The following ZNF804B variants were observed in gnomAD, a reference collection of about 807,000 sequenced individuals.
The protein encoded by ZNF804B is zinc finger protein 804B, also known as zinc finger 804B.
A neutral mutation model predicts 101.4 loss-of-function variants in ZNF804B; 80 were observed. The ratio of observed to expected loss-of-function variants is 0.79; its 90% confidence interval spans 0.66 to 0.95. The LOEUF (loss-of-function observed/expected upper bound fraction) is 0.95. ZNF804B is among the 40% of genes least tolerant of loss of function. The pLI, the probability that ZNF804B is intolerant of heterozygous loss-of-function variation, is 0.00. For missense variants in ZNF804B, 1,673 were observed against 1,561.9 expected (o/e 1.07, Z -1.20); for synonymous variants, 622 against 558.8 (o/e 1.11, Z -1.59).
chr7:89,242,901 C>T (rs911520742), intron 2 of ZNF804B, among the ~76,000 whole-genome samples: 2 of 151,700 alleles, frequency 1.3e-5, no homozygotes, highest in Non-Finnish European at 3.0e-5. Context: ...TATAGTATAG[C>T]AGTGCTGTAG....
chr7:89,244,888 C>G (rs1405081499), intron 2 of ZNF804B, among the ~76,000 whole-genome samples: 1 of 152,126 alleles, frequency 6.6e-6, no homozygotes, highest in African/African-American at 2.4e-5. Context: ...AATTCACAAT[C>G]TTTATGATGT....
intron 1 of ZNF804B, among the ~76,000 whole-genome samples, chr7:88,904,536 T>C (rs1267693481): frequency 1.3e-5 from 2 of 152,186 alleles, no homozygotes; most frequent in African/African-American, 4.8e-5. Flanking sequence ...GTAAATTGCT[T>C]TGGGTAGTAT....
intron 1 of ZNF804B, among the ~76,000 whole-genome samples, chr7:89,050,860 A>G (rs1789192438): frequency 6.6e-6 from 1 of 152,124 alleles, no homozygotes; most frequent in Non-Finnish European, 1.5e-5. Flanking sequence ...CTTTTTATAT[A>G]CATATATTAT....
intron 1 of ZNF804B, among the ~76,000 whole-genome samples, chr7:89,011,048 A>G (rs1240529783): frequency 1.3e-5 from 2 of 152,234 alleles, no homozygotes; most frequent in Non-Finnish European, 2.9e-5. Flanking sequence ...CAATTGACTC[A>G]GAGTTCTCCA....
intron 2 of ZNF804B, among the ~76,000 whole-genome samples, chr7:89,301,763 C>T (rs1157447508): frequency 6.6e-6 from 1 of 151,888 alleles, no homozygotes; most frequent in Non-Finnish European, 1.5e-5. Context: ...AATTCTGCCT[C>T]TGTCACTTAA....
At chr7:89,217,890 A>G (rs1788921345) in intron 1 of ZNF804B, among the ~76,000 whole-genome samples, 1 of 152,198 alleles carries the variant, frequency 6.6e-6, no homozygotes, top group Non-Finnish European at 1.5e-5. Flanking sequence ...GGTAATAGGC[A>G]CAATCACAAC....
At chr7:88,794,830 T>A (rs145745056) in intron 1 of ZNF804B, 301 of 1,613,620 alleles carry the variant, frequency 1.9e-4, no homozygotes, top group Non-Finnish European at 2.4e-4. Context: ...GTGTAGTCGT[T>A]GTTTCTCTTC....
chr7:89,117,816 A>G (rs966653266), intron 1 of ZNF804B, among the ~76,000 whole-genome samples: 3 of 152,186 alleles, frequency 2.0e-5, no homozygotes, highest in African/African-American at 7.2e-5. Flanking sequence ...TATAAATGTA[A>G]AACCACACTT....
intron 2 of ZNF804B, among the ~76,000 whole-genome samples, chr7:89,310,325 GA>G (rs1457020038): frequency 7.9e-5 from 12 of 152,060 alleles, no homozygotes; most frequent in Admixed American, 2.0e-4. Context: ...AACCTTATTT[GA>G]TTAAGCCACT....
intron 2 of ZNF804B, among the ~76,000 whole-genome samples, chr7:89,277,589 A>C (rs1584099696): frequency 6.8e-6 from 1 of 147,864 alleles, no homozygotes; most frequent in Non-Finnish European, 1.5e-5. Context: ...TATGAGTGAG[A>C]ATATGCGGTG....
In ZNF804B at chr7:89,186,100, A is replaced by G. The variant is rs555507069; in HGVS notation, c.109-32055A>G. Among the ~76,000 whole-genome samples, 88 of 152,202 alleles carry G rather than the reference A, an allele frequency of 5.8e-4. 3 individuals carry two copies. Among genetic ancestry groups the G allele is most frequent in the Middle Eastern group, 6.8e-3 (2 of 294 alleles). On this transcript the variant is annotated intron_variant, in intron 1 of 3. Coordinates refer to ENST00000333190, the MANE Select transcript of ZNF804B (RefSeq NM_181646.5). Reference sequence around the variant, plus strand: ...GGAAGAAAAATATGAAAAATTAACAATCAGAAAGAATATGTACATATTATC... The same window carrying G: ...GGAAGAAAAATATGAAAAATTAACAGTCAGAAAGAATATGTACATATTATC...
At chr7:89,148,529 T>C (rs979993171) in intron 1 of ZNF804B, among the ~76,000 whole-genome samples, 37 of 152,224 alleles carry the variant, frequency 2.4e-4, no homozygotes. Flanking sequence ...AAATGTCACT[T>C]ATACTATTTG....
At chr7:88,892,459 T>A (rs1792227396) in intron 1 of ZNF804B, among the ~76,000 whole-genome samples, 1 of 152,146 alleles carries the variant, frequency 6.6e-6, no homozygotes, top group Non-Finnish European at 1.5e-5. Context: ...TGTCTCTGGC[T>A]TCCATTATTC....
chr7:89,061,597 G>A (rs987468357), intron 1 of ZNF804B, among the ~76,000 whole-genome samples: 3 of 152,090 alleles, frequency 2.0e-5, no homozygotes, highest in African/African-American at 4.8e-5. Context: ...GGATTTTGAA[G>A]TAAGATAGTT....
At chr7:89,129,419 C>T (rs868677327) in intron 1 of ZNF804B, among the ~76,000 whole-genome samples, 2 of 151,876 alleles carry the variant, frequency 1.3e-5, no homozygotes, top group Admixed American at 1.3e-4. Flanking sequence ...CAAAGTACAA[C>T]AAAACATTTG....
In ZNF804B at chr7:89,044,536, G is replaced by A. The variant is rs146987911; in HGVS notation, c.109-173619G>A. On this transcript the variant is annotated intron_variant, in intron 1 of 3. Coordinates refer to ENST00000333190, the MANE Select transcript of ZNF804B (RefSeq NM_181646.5). ...AAGATAAGAAAATATGGGAAAGTTT[G>A]GGACTTCCTAGAGACTTGCCAAATC... 4.9e-3 allele frequency among the ~76,000 whole-genome samples: 750 copies of A among 152,232 alleles called. 3 individuals are homozygous for A. Among genetic ancestry groups the A allele is most frequent in the African/African-American group, 0.017 (691 of 41,532 alleles).
At chr7:88,881,390 C>T (rs1448473283) in intron 1 of ZNF804B, among the ~76,000 whole-genome samples, 1 of 152,052 alleles carries the variant, frequency 6.6e-6, no homozygotes, top group African/African-American at 2.4e-5. Flanking sequence ...GGTGCCCACC[C>T]CACAGCAGAT....
At chr7:89,272,020 T>A (rs1051068491) in intron 2 of ZNF804B, among the ~76,000 whole-genome samples, 8 of 152,196 alleles carry the variant, frequency 5.3e-5, no homozygotes, top group Admixed American at 3.9e-4. Context: ...GCTTACAACA[T>A]AAGGTTCAAA....
chr7:89,039,485 ATT>A (rs967934144), intron 1 of ZNF804B, among the ~76,000 whole-genome samples: 7 of 151,906 alleles, frequency 4.6e-5, no homozygotes, highest in African/African-American at 1.7e-4. Context: ...TGTTTTCATA[ATT>A]TTTTTAGATA....
Sources: gnomAD v4.1 joint callset for allele counts (sites outside exome capture counted in the v4.1 genomes callset) on GRCh38, gnomAD v4.1.1 for gene constraint, MANE v1.5 for transcripts, NCBI Gene and HGNC (gene_info 2026-07-23, HGNC 2026-07-21) for gene names.